The following OPCML variants were observed in gnomAD, a reference collection of about 807,000 sequenced individuals.
The protein encoded by OPCML is opioid binding protein/cell adhesion molecule like, also known as opioid-binding protein/cell adhesion molecule.
OPCML carries 13 observed loss-of-function variants against 37.8 expected under a neutral mutation model. That is an observed-to-expected ratio of 0.34 (90% CI 0.22 to 0.55). The LOEUF (loss-of-function observed/expected upper bound fraction) is 0.55. Among genes scored for constraint, OPCML ranks in the 20% least tolerant of loss-of-function variants. The probability of loss-of-function intolerance (pLI) is 0.91; values close to 1 mark genes in which losing one functional copy is unlikely to be tolerated. For synonymous variants in OPCML, 176 were observed against 168.8 expected, an observed-to-expected ratio of 1.04 and a Z score of -0.33; for missense variants, 341 against 435.6, an observed-to-expected ratio of 0.78 and a Z score of 1.93.
chr11:133,187,707 T>A (rs1399187311), intron 1 of OPCML, among the ~76,000 whole-genome samples: 2 of 152,176 alleles, frequency 1.3e-5, no homozygotes, highest in African/African-American at 4.8e-5. Flanking sequence ...TGCTTAGGAA[T>A]GTTGAAAGAG....
chr11:132,432,946 C>T (rs1470045555), intron 7 of OPCML, among the ~76,000 whole-genome samples: 1 of 152,196 alleles, frequency 6.6e-6, no homozygotes, highest in Non-Finnish European at 1.5e-5. Flanking sequence ...CTAGACAATG[C>T]TCTGTGTGAG....
intron 3 of OPCML, among the ~76,000 whole-genome samples, chr11:132,636,936 T>C (rs1940537851): frequency 6.6e-6 from 1 of 152,232 alleles, no homozygotes; most frequent in African/African-American, 2.4e-5. Context: ...AAGGTTCTAA[T>C]ACGTTAGTAG....
intron 2 of OPCML, among the ~76,000 whole-genome samples, chr11:132,843,431 G>A (rs4937732): frequency 0.22 from 33,552 of 151,912 alleles, 4,048 homozygotes; most frequent in African/African-American, 0.29. Context: ...TCCAAAATAA[G>A]TTCTACCAGC....
chr11:132,550,278 T>G lies in OPCML; in HGVS notation c.380-21092A>C, dbSNP rs552918455. Among the ~76,000 whole-genome samples, 17 of 152,146 alleles carry G rather than the reference T, an allele frequency of 1.1e-4. 1 individual carries two copies. In the South Asian group the frequency reaches 3.3e-3, roughly 30 times the overall value. On this transcript the variant is annotated intron_variant, in intron 3 of 7. Coordinates refer to ENST00000524381, the MANE Select transcript of OPCML (RefSeq NM_001012393.5). ...TCTCATGTTGAATTGTAATCCCCAG[T>G]GTTGGAGGTGGGGCCTGGTGGGCGG...
At chr11:132,500,968 G>A (rs868686271) in intron 4 of OPCML, among the ~76,000 whole-genome samples, 14 of 152,296 alleles carry the variant, frequency 9.2e-5, no homozygotes, top group Admixed American at 2.0e-4. Context: ...TGGGCATTTG[G>A]ATTGGTTCCA....
intron 1 of OPCML, among the ~76,000 whole-genome samples, chr11:133,459,741 T>C (rs755422286): frequency 6.0e-5 from 9 of 151,224 alleles, no homozygotes; most frequent in Middle Eastern, 3.2e-3. Context: ...CATGAAAGAA[T>C]TGGAAGGAGA....
chr11:132,884,962 G>A (rs564767199), intron 2 of OPCML, among the ~76,000 whole-genome samples: 4 of 152,254 alleles, frequency 2.6e-5, no homozygotes, highest in Non-Finnish European at 4.4e-5. Context: ...TGGAAGGAGA[G>A]GAATTAGAGC....
At chr11:132,485,450 C>G (rs372611991) in intron 4 of OPCML, among the ~76,000 whole-genome samples, 1 of 152,074 alleles carries the variant, frequency 6.6e-6, no homozygotes, top group Non-Finnish European at 1.5e-5. Flanking sequence ...TTTTGGCAAG[C>G]GTGAACACTC....
At chr11:132,699,255 G>T (rs927177731) in intron 2 of OPCML, among the ~76,000 whole-genome samples, 1 of 151,978 alleles carries the variant, frequency 6.6e-6, no homozygotes, top group Non-Finnish European at 1.5e-5. Flanking sequence ...TGTTGGTGGA[G>T]GCTTTGGCAT....
At chr11:132,570,874 A>C (rs1176291768) in intron 3 of OPCML, among the ~76,000 whole-genome samples, 2 of 147,026 alleles carry the variant, frequency 1.4e-5, no homozygotes. Context: ...CTTCTCTTAC[A>C]TGATGGTTAA....
chr11:132,798,119 A>T (rs1938439013), intron 2 of OPCML, among the ~76,000 whole-genome samples: 2 of 151,660 alleles, frequency 1.3e-5, no homozygotes, highest in Admixed American at 6.6e-5. Flanking sequence ...CTTTCTTATG[A>T]TCTCGGTTCG....
In OPCML at chr11:133,033,162, C is replaced by T. The variant is rs147097030; in HGVS notation, c.62-90152G>A. Among the ~76,000 whole-genome samples, 39 of 152,242 alleles carry T rather than the reference C, an allele frequency of 2.6e-4. 1 individual carries two copies. In the East Asian group the frequency reaches 4.8e-3, roughly 19 times the overall value. ...AAATTCTATTTCTCCAGTCTGGGTT[C>T]CATTGCCTGCCTTCTTAGGAATTGA... On this transcript the variant is annotated intron_variant, in intron 1 of 7. Coordinates refer to ENST00000524381, the MANE Select transcript of OPCML (RefSeq NM_001012393.5).
At chr11:132,565,655 G>A (rs1237364075) in intron 3 of OPCML, among the ~76,000 whole-genome samples, 1 of 152,204 alleles carries the variant, frequency 6.6e-6, no homozygotes, top group Non-Finnish European at 1.5e-5. Flanking sequence ...TTTGCATTTA[G>A]TTCTATAGAT....
chr11:133,168,750 G>GC (rs1950248367), intron 1 of OPCML, among the ~76,000 whole-genome samples: 1 of 152,150 alleles, frequency 6.6e-6, no homozygotes, highest in Non-Finnish European at 1.5e-5. Context: ...CCTAATTACG[G>GC]ACACTGATGT....
intron 4 of OPCML, among the ~76,000 whole-genome samples, chr11:132,514,176 G>A (rs1267542722): frequency 1.3e-5 from 2 of 152,108 alleles, no homozygotes; most frequent in Non-Finnish European, 2.9e-5. Flanking sequence ...AGTCAAAGTG[G>A]CATGTCAATA....
intron 3 of OPCML, among the ~76,000 whole-genome samples, chr11:132,569,144 C>A (rs765212820): frequency 3.3e-5 from 5 of 152,308 alleles, no homozygotes; most frequent in African/African-American, 4.8e-5. Flanking sequence ...AATTTAAGTT[C>A]TAACCCCCAG....
rs540877030 is a variant in OPCML, at chr11:132,938,457, A to G, written c.146+4469T>C. On this transcript the variant is annotated intron_variant, in intron 2 of 7. Coordinates refer to ENST00000524381, the MANE Select transcript of OPCML (RefSeq NM_001012393.5). ...TGGGGATAGAGGAAGAACGAGATGG[A>G]GCAGACAAAACTGAAAAAAATGTGT... Among the ~76,000 whole-genome samples the G allele has an allele frequency of 3.9e-5, 6 of 152,322 alleles. No individual in the cohort carries two copies. The East Asian group carries it at 1.2e-3, about 29-fold the overall frequency.
intron 3 of OPCML, among the ~76,000 whole-genome samples, chr11:132,577,286 G>A (rs984732859): frequency 6.6e-6 from 1 of 151,882 alleles, no homozygotes; most frequent in Non-Finnish European, 1.5e-5. Flanking sequence ...GCTTATGTTA[G>A]GAAAAGACTA....
At position 133,428,912 on chromosome 11, in the gene OPCML, G is replaced by A. The variant is rs963081610; in HGVS notation, c.61+103352C>T. Among the ~76,000 whole-genome samples the A allele has an allele frequency of 4.6e-5, 7 of 152,244 alleles. No homozygotes were observed. In the South Asian group the frequency reaches 6.2e-4, roughly 14 times the overall value. On this transcript the variant is annotated intron_variant, in intron 1 of 7. Transcript: ENST00000524381. ...TTATTAAGGAAGAATAATAAGAAAG[G>A]CCTTCTACACCAGACATGAAATATG...
Sources: allele counts gnomAD v4.1 joint callset (sites outside exome capture counted in the v4.1 genomes callset), GRCh38; gene constraint gnomAD v4.1.1; transcripts MANE v1.5; gene names NCBI Gene and HGNC (gene_info 2026-07-23, HGNC 2026-07-21).